The following NDUFAF2 variants were observed in gnomAD, a reference collection of about 807,000 sequenced individuals.
NDUFAF2 encodes NADH dehydrogenase [ubiquinone] 1 alpha subcomplex assembly factor 2.
A neutral mutation model predicts 22.8 loss-of-function variants in NDUFAF2; 13 were observed. The observed-to-expected ratio is 0.57, with a 90% confidence interval of 0.37 to 0.91. The LOEUF (loss-of-function observed/expected upper bound fraction) is 0.91. Ranked by LOEUF, NDUFAF2 falls within the 40% of genes least tolerant of loss-of-function variation. The probability of loss-of-function intolerance (pLI) is 0.01; values close to 1 mark genes in which losing one functional copy is unlikely to be tolerated. For synonymous variants in NDUFAF2, 53 were observed against 64.2 expected, an observed-to-expected ratio of 0.83 and a Z score of 0.84; for missense variants, 162 against 195.2, an observed-to-expected ratio of 0.83 and a Z score of 1.01.
At chr5:61,030,710 G>A (rs902566604) in intron 1 of NDUFAF2, among the ~76,000 whole-genome samples, 11 of 152,054 alleles carry the variant, frequency 7.2e-5, no homozygotes, top group Non-Finnish European at 1.5e-4. Context: ...TGTCTGGATA[G>A]TGTAATGATT....
At chr5:60,947,254 C>G (rs539011932) in intron 1 of NDUFAF2, among the ~76,000 whole-genome samples, 1 of 152,236 alleles carries the variant, frequency 6.6e-6, no homozygotes, top group East Asian at 1.9e-4. Context: ...CATTAAAATT[C>G]TAGTTGTTTC....
rs57330228 is a variant in NDUFAF2 at position 61,038,115 on chromosome 5, AGG to A, written c.128-35008_128-35007del. Among the ~76,000 whole-genome samples the A allele has an allele frequency of 4.8e-5, 7 of 145,120 alleles. No individual in the cohort carries two copies. In the Admixed American group the frequency reaches 4.8e-4, roughly 10 times the overall value. On this transcript the variant is annotated intron_variant, in intron 1 of 3. Transcript: ENST00000296597. The stretch of plus-strand genomic sequence containing the variant: ...GAGAGAGAGAGAGAGAGAGAGAGAG[AGG>A]GAGAGAGAGAAAGTCAGCAATGTTA...
chr5:60,972,772 T>TG (rs1373246716), intron 1 of NDUFAF2, among the ~76,000 whole-genome samples: 2 of 125,242 alleles, frequency 1.6e-5, no homozygotes, highest in Non-Finnish European at 3.5e-5. Context: ...ATGTGTATTC[T>TG]GTTTTTTTTT....
chr5:61,081,162 C>A (rs745397339), intron 2 of NDUFAF2, among the ~76,000 whole-genome samples: 1 of 152,072 alleles, frequency 6.6e-6, no homozygotes, highest in Non-Finnish European at 1.5e-5. Context: ...TCTGCATTTT[C>A]TATTCCATCC....
chr5:61,038,284 T>C (rs1048122598), intron 1 of NDUFAF2, among the ~76,000 whole-genome samples: 4 of 152,134 alleles, frequency 2.6e-5, no homozygotes, highest in African/African-American at 7.2e-5. Context: ...AAAGGCAACA[T>C]AATGCCTATT....
At chr5:61,005,078 C>A (rs934592440) in intron 1 of NDUFAF2, among the ~76,000 whole-genome samples, 3 of 152,022 alleles carry the variant, frequency 2.0e-5, no homozygotes, top group Admixed American at 2.0e-4. Flanking sequence ...CTAATGCTAT[C>A]CCTCCCTGCT....
intron 3 of NDUFAF2, among the ~76,000 whole-genome samples, chr5:61,148,453 G>C (rs1230229112): frequency 2.0e-5 from 3 of 152,182 alleles, no homozygotes; most frequent in Non-Finnish European, 4.4e-5. Flanking sequence ...ATTTCAGAGA[G>C]AGATGTGTAC....
intron 1 of NDUFAF2, among the ~76,000 whole-genome samples, chr5:61,044,790 A>T (rs921123018): frequency 5.9e-5 from 9 of 152,034 alleles, no homozygotes; most frequent in African/African-American, 2.2e-4. Context: ...TTTGCTCAAG[A>T]TTGCCTTGGC....
chr5:61,060,700 A>G (rs1276541628), intron 1 of NDUFAF2, among the ~76,000 whole-genome samples: 1 of 151,976 alleles, frequency 6.6e-6, no homozygotes, highest in African/African-American at 2.4e-5. Context: ...CCCCAAAGTC[A>G]CCTCCAAATT....
At chr5:61,102,765 T>C (rs745905314) in intron 3 of NDUFAF2, among the ~76,000 whole-genome samples, 8 of 152,050 alleles carry the variant, frequency 5.3e-5, no homozygotes, top group Non-Finnish European at 1.2e-4. Context: ...GTATCTAGGC[T>C]ATATAAAGAA....
At chr5:60,953,579 A>C (rs1750576343) in intron 1 of NDUFAF2, among the ~76,000 whole-genome samples, 2 of 152,184 alleles carry the variant, frequency 1.3e-5, no homozygotes, top group Admixed American at 6.5e-5. Flanking sequence ...AAAGTTTTTG[A>C]GTCTTTGAAT....
chr5:60,948,948 C>T (rs538879169), intron 1 of NDUFAF2, among the ~76,000 whole-genome samples: 2 of 152,146 alleles, frequency 1.3e-5, no homozygotes, highest in African/African-American at 2.4e-5. Context: ...CTTATCAACA[C>T]TTGGTATGGT....
chr5:61,131,381 T>C (rs1399910116), intron 3 of NDUFAF2, among the ~76,000 whole-genome samples: 1 of 152,038 alleles, frequency 6.6e-6, no homozygotes, highest in African/African-American at 2.4e-5. Flanking sequence ...GTTTGTTTTT[T>C]ATGTTTGTTG....
chr5:60,990,384 A>G (rs993124379), intron 1 of NDUFAF2, among the ~76,000 whole-genome samples: 2 of 152,198 alleles, frequency 1.3e-5, no homozygotes, highest in African/African-American at 4.8e-5. Context: ...TGCCTGTATC[A>G]AAATATGTAC....
At chr5:60,984,313 T>G (rs1231905338) in intron 1 of NDUFAF2, among the ~76,000 whole-genome samples, 1 of 152,066 alleles carries the variant, frequency 6.6e-6, no homozygotes, top group Admixed American at 6.6e-5. Flanking sequence ...ACGATGGGGT[T>G]TTCTAGATAT....
chr5:61,149,347 A>G (rs1233781623), intron 3 of NDUFAF2, among the ~76,000 whole-genome samples: 1 of 152,232 alleles, frequency 6.6e-6, no homozygotes, highest in Non-Finnish European at 1.5e-5. Context: ...TGTTATGAGT[A>G]TAAGCCCCAT....
intron 1 of NDUFAF2, among the ~76,000 whole-genome samples, chr5:60,970,288 G>A (rs968697204): frequency 1.4e-4 from 21 of 152,132 alleles, no homozygotes; most frequent in Non-Finnish European, 2.5e-4. Context: ...GATAGGGATT[G>A]CATTAAATCT....
intron 1 of NDUFAF2, among the ~76,000 whole-genome samples, chr5:61,056,787 G>T (rs1752097067): frequency 6.7e-6 from 1 of 149,112 alleles, no homozygotes; most frequent in Admixed American, 6.7e-5. Context: ...TACTCAGGAG[G>T]CTGAGGCATG....
chr5:61,023,530 T>C (rs1010519501), intron 1 of NDUFAF2, among the ~76,000 whole-genome samples: 3 of 152,196 alleles, frequency 2.0e-5, no homozygotes, highest in African/African-American at 7.2e-5. Context: ...CAGTATAGTA[T>C]GTGAGTATCT....
Sources: allele counts gnomAD v4.1 joint callset (sites outside exome capture counted in the v4.1 genomes callset), GRCh38; gene constraint gnomAD v4.1.1; transcripts MANE v1.5; gene names NCBI Gene and HGNC (gene_info 2026-07-23, HGNC 2026-07-21).